The following MNS1 variants were observed in gnomAD, a reference collection of about 807,000 sequenced individuals.
MNS1 encodes the protein meiosis specific nuclear structural 1.
A neutral mutation model predicts 72.0 loss-of-function variants in MNS1; 63 were observed. The observed-to-expected ratio is 0.87, with a 90% CI of 0.71 to 1.08. The LOEUF (loss-of-function observed/expected upper bound fraction) is 1.08. Among genes scored for constraint, MNS1 ranks in the 50% least tolerant of loss-of-function variants. The pLI is 0.00. For missense variants in MNS1, 604 were observed against 562.4 expected, an observed-to-expected ratio of 1.07 and a Z score of -0.75; for synonymous variants, 188 against 172.1, an observed-to-expected ratio of 1.09 and a Z score of -0.72.
chr15:56,450,935 G>A (rs1168453404), intron 3 of MNS1, among the ~76,000 whole-genome samples: 1 of 152,070 alleles, frequency 6.6e-6, no homozygotes, highest in East Asian at 1.9e-4. Context: ...CCTATTAGAT[G>A]TGAAACAGTT....
At chr15:56,432,630 C>T (rs1311057950) in intron 8 of MNS1, among the ~76,000 whole-genome samples, 5 of 152,130 alleles carry the variant, frequency 3.3e-5, no homozygotes, top group African/African-American at 1.2e-4. Context: ...AGTATCTATG[C>T]ATTAGGTGGC....
intron 7 of MNS1, among the ~76,000 whole-genome samples, chr15:56,436,080 T>C (rs2050719084): frequency 6.6e-6 from 1 of 152,116 alleles, no homozygotes; most frequent in African/African-American, 2.4e-5. Context: ...ATCCAGGAAT[T>C]GAACTCAGTT....
Position 56,443,661 on chromosome 15 carries a change from TCTC to T in MNS1, c.877_879del (p.Glu293del), listed in dbSNP as rs1421267374. The T allele has an allele frequency of 4.3e-6, 7 of 1,613,062 alleles. No individual in the cohort carries two copies. The highest frequency in any genetic ancestry group is 2.2e-5 in the South Asian group (2 of 90,776). On this transcript the variant is annotated inframe_deletion, in exon 6 of 10. Coordinates refer to ENST00000260453, the MANE Select transcript of MNS1 (RefSeq NM_018365.4). ...ACCGCATTCTGAAGCTGTAGCCTTT[TCTC>T]CTCATTTTCTTGAACTTTTGCCATC...
At chr15:56,464,572 C>G (rs1292585117) in intron 1 of MNS1, among the ~76,000 whole-genome samples, 1 of 101,302 alleles carries the variant, frequency 9.9e-6, no homozygotes, top group Non-Finnish European at 2.2e-5. Context: ...CTCCTCCCCT[C>G]ATTCCACCCA....
chr15:56,435,015 A>C (rs2050696436), intron 7 of MNS1, among the ~76,000 whole-genome samples: 1 of 152,080 alleles, frequency 6.6e-6, no homozygotes, highest in Non-Finnish European at 1.5e-5. Context: ...ATACATACTA[A>C]AAAATATAAT....
intron 2 of MNS1, among the ~76,000 whole-genome samples, chr15:56,462,384 C>G (rs2051029195): frequency 6.6e-6 from 1 of 152,176 alleles, no homozygotes; most frequent in Non-Finnish European, 1.5e-5. Flanking sequence ...ACAACCAGAC[C>G]TCATGTGTTC....
chr15:56,438,581 T>C (rs1201305861), intron 7 of MNS1, among the ~76,000 whole-genome samples: 2 of 152,074 alleles, frequency 1.3e-5, no homozygotes, highest in East Asian at 3.9e-4. Context: ...GACATAGGCA[T>C]GGGCAAGGAC....
At chr15:56,464,380 C>A (rs1210654986) in intron 1 of MNS1, 133 bp from the exon 2 acceptor site, 2 of 659,222 alleles carry the variant, frequency 3.0e-6, no homozygotes, top group Non-Finnish European at 5.1e-6. Flanking sequence ...AGGAGTATAC[C>A]GAATAAAAAG....
chr15:56,464,167 GACATGTAAT>G lies in MNS1; in HGVS notation c.75_83del (p.Lys25_Val28delinsAsn). 6.2e-7 allele frequency: 1 copy of G among 1,613,780 alleles called. No homozygotes were observed. The highest frequency in any genetic ancestry group is 1.1e-5 in the South Asian group (1 of 91,044). Reference sequence around the variant, plus strand: ...GACTGTTGACGTTTTTTAGAGCTTGGACATGTAATTTTTTGCAGTAGTTTTCATCTACTA... The same window carrying G: ...GACTGTTGACGTTTTTTAGAGCTTGGTTTTTGCAGTAGTTTTCATCTACTA... On this transcript the variant is annotated inframe_deletion, in exon 2 of 10. Coordinates refer to ENST00000260453, the MANE Select transcript of MNS1 (RefSeq NM_018365.4).
At chr15:56,446,487 T>A (rs1295888970) in intron 4 of MNS1, among the ~76,000 whole-genome samples, 8 of 152,002 alleles carry the variant, frequency 5.3e-5, no homozygotes, top group African/African-American at 1.9e-4. Context: ...AGTAGTTTAC[T>A]CTTAAAAACA....
chr15:56,442,538 C>T (rs79218967), intron 7 of MNS1, among the ~76,000 whole-genome samples: 1 of 152,166 alleles, frequency 6.6e-6, no homozygotes, highest in Non-Finnish European at 1.5e-5. Flanking sequence ...TACATGTACA[C>T]CACGGAATAC....
chr15:56,429,114 C>A lies in MNS1; in HGVS notation c.1475G>T (p.Cys492Phe). 1.3e-6 allele frequency: 2 copies of A among 1,592,784 alleles called. No homozygotes were observed. Among genetic ancestry groups the A allele is most frequent in the Non-Finnish European group, 1.7e-6 (2 of 1,169,382 alleles). Residue 492 changes from cysteine (C) to phenylalanine (F), a missense_variant, in exon 10 of 10, where the codon TGT becomes TTT. Physicochemically the swap from Cys to Phe is radical, Grantham distance 205. Transcript: ENST00000260453. ...ATTTTGATGATATCATTTCTCTTCACAAATTTCACTCCTTTGTTGATATAC... is the reference window on the plus strand; with the variant it reads ...ATTTTGATGATATCATTTCTCTTCAAAAATTTCACTCCTTTGTTGATATAC... ...RKVYQQRSEI[C>F]EEK
chr15:56,453,036 A>G (rs1448547717), intron 3 of MNS1, among the ~76,000 whole-genome samples: 1 of 152,266 alleles, frequency 6.6e-6, no homozygotes, highest in East Asian at 1.9e-4. Flanking sequence ...TCTATTAGTC[A>G]GTTATATTTT....
intron 2 of MNS1, among the ~76,000 whole-genome samples, chr15:56,461,728 A>G (rs2051022892): frequency 6.6e-6 from 1 of 151,388 alleles, no homozygotes; most frequent in Non-Finnish European, 1.5e-5. Flanking sequence ...CAAGGATGAG[A>G]TAATTTGAGC....
intron 2 of MNS1, among the ~76,000 whole-genome samples, chr15:56,458,499 G>C (rs1384767461): frequency 6.6e-6 from 1 of 151,990 alleles, no homozygotes; most frequent in Admixed American, 6.6e-5. Context: ...TTTACATTAA[G>C]GTTCATTCTT....
chr15:56,444,733 A>G, intron 4 of MNS1, 60 bp from the exon 5 acceptor site: 1 of 1,292,714 alleles, frequency 7.7e-7, no homozygotes, highest in Non-Finnish European at 1.1e-6. Context: ...ACGATAGTAT[A>G]TTTTACACCA....
In MNS1 at chr15:56,462,735, T is replaced by C. The variant is rs1008546723; in HGVS notation, c.225+1291A>G. On this transcript the variant is annotated intron_variant, in intron 2 of 9. Coordinates refer to ENST00000260453, the MANE Select transcript of MNS1 (RefSeq NM_018365.4). ...TGGATCTTGGTTAAAACAAACCAACTGTAAAAGCAGATTTTTGACACAATC... is the reference window on the plus strand; with the variant it reads ...TGGATCTTGGTTAAAACAAACCAACCGTAAAAGCAGATTTTTGACACAATC... 2.6e-5 allele frequency among the ~76,000 whole-genome samples: 4 copies of C among 152,340 alleles called. No individual in the cohort carries two copies. In the East Asian group the frequency reaches 7.7e-4, roughly 29 times the overall value.
At chr15:56,463,778 TC>T in intron 2 of MNS1, 1 of 412,352 alleles carries the variant, frequency 2.4e-6, no homozygotes, top group Non-Finnish European at 4.3e-6. Context: ...CAAGACTCCA[TC>T]CAAAAAAAAA....
chr15:56,455,247 GAAAAAAAAA>G (rs56339584), intron 3 of MNS1, among the ~76,000 whole-genome samples: 2 of 82,914 alleles, frequency 2.4e-5, no homozygotes, highest in Admixed American at 1.3e-4. Flanking sequence ...ATCGTCAGGT[GAAAAAAAAA>G]AAAAAAAAAA....
Sources: gnomAD v4.1 joint callset for allele counts (sites outside exome capture counted in the v4.1 genomes callset) on GRCh38, gnomAD v4.1.1 for gene constraint, MANE v1.5 for transcripts, NCBI Gene and HGNC (gene_info 2026-07-23, HGNC 2026-07-21) for gene names.